The following ETFDH variants were observed in gnomAD, a reference collection of about 807,000 sequenced individuals.
ETFDH encodes the protein electron transfer flavoprotein-ubiquinone oxidoreductase, mitochondrial.
A neutral mutation model predicts 73.2 loss-of-function variants in ETFDH; 61 were observed. That is an observed-to-expected ratio of 0.83 (90% CI 0.68 to 1.03). The LOEUF (loss-of-function observed/expected upper bound fraction) is 1.03, where lower values mean the gene tolerates loss of function less well. Ranked by LOEUF, ETFDH falls within the 50% of genes least tolerant of loss-of-function variation. The pLI, the probability that ETFDH is intolerant of heterozygous loss-of-function variation, is 0.00. For synonymous variants in ETFDH, 243 were observed against 253.3 expected, an observed-to-expected ratio of 0.96 and a Z score of 0.39; for missense variants, 685 against 745.0, an observed-to-expected ratio of 0.92 and a Z score of 0.94.
chr4:158,691,436 C>T (rs934521694), intron 6 of ETFDH, among the ~76,000 whole-genome samples: 21 of 152,104 alleles, frequency 1.4e-4, no homozygotes, highest in Admixed American at 3.9e-4. Context: ...GTAGTTATCC[C>T]GCCTCAGCCT....
chr4:158,692,248 AAATT>A (rs1286476640), intron 6 of ETFDH, among the ~76,000 whole-genome samples: 1 of 152,032 alleles, frequency 6.6e-6, no homozygotes, highest in East Asian at 1.9e-4. Flanking sequence ...AAATACAAAA[AAATT>A]AGCCGGGCGT....
intron 1 of ETFDH, among the ~76,000 whole-genome samples, chr4:158,675,768 C>CAAA (rs199648174): frequency 0.017 from 1,321 of 78,666 alleles, 15 homozygotes; most frequent in African/African-American, 0.057. Flanking sequence ...GACCCTGTCT[C>CAAA]AAAAAAAAAA....
chr4:158,698,279 T>G (rs1163751191), intron 8 of ETFDH, among the ~76,000 whole-genome samples: 1 of 152,238 alleles, frequency 6.6e-6, no homozygotes, highest in Non-Finnish European at 1.5e-5. Context: ...TAGTTTAGTG[T>G]CATGATTAGA....
intron 8 of ETFDH, 144 bp from the exon 9 acceptor site, chr4:158,698,843 T>G (rs1277855088): frequency 1.7e-6 from 1 of 597,562 alleles, no homozygotes. Context: ...TTAATTTACA[T>G]TTGGATTACT....
chr4:158,698,520 CCA>C (rs1554032937), intron 8 of ETFDH, among the ~76,000 whole-genome samples: 6 of 151,750 alleles, frequency 4.0e-5, no homozygotes, highest in Non-Finnish European at 7.4e-5. Context: ...TATTTTTGCC[CCA>C]GTTGTACTGT....
In ETFDH at chr4:158,697,653, T is replaced by C. The variant is rs1276785426; in HGVS notation, c.926T>C (p.Leu309Pro). ...AGACATACCTATGGAGGATCTTTCC[T>C]CTATCATTTGAATGAAGGTGAACCC... ...LDRHTYGGSF[L>P]YHLNEGEPLV... Residue 309 changes from leucine (L) to proline (P), a missense_variant, in exon 8 of 13, where the codon CTC becomes CCC. Transcript: ENST00000511912. 1 of 1,613,812 alleles carries C rather than the reference T, an allele frequency of 6.2e-7. No individual in the cohort carries two copies. Among genetic ancestry groups the C allele is most frequent in the East Asian group, 2.2e-5 (1 of 44,860 alleles).
In ETFDH at chr4:158,697,554, T is replaced by C. The variant is rs768022965; in HGVS notation, c.832-5T>C. On this transcript the variant is annotated splice_region_variant and splice_polypyrimidine_tract_variant and intron_variant, in intron 7 of 12. Transcript: ENST00000511912. ...GACTTTTTTGTTTGCTTTTTTTTTTTTTAGTTATGGGTTATTGATGAAAAG... is the reference window on the plus strand; with the variant it reads ...GACTTTTTTGTTTGCTTTTTTTTTTCTTAGTTATGGGTTATTGATGAAAAG... 11 of 1,609,566 alleles carry C rather than the reference T, an allele frequency of 6.8e-6. No individual in the cohort carries two copies. The highest frequency in any genetic ancestry group is 1.6e-4 in the Middle Eastern group (1 of 6,070).
intron 7 of ETFDH, among the ~76,000 whole-genome samples, chr4:158,697,173 C>T (rs1774328606): frequency 6.6e-6 from 1 of 152,076 alleles, no homozygotes; most frequent in African/African-American, 2.4e-5. Context: ...TGGCTCACCG[C>T]AACTTCTGCC....
chr4:158,701,094 G>A (rs9918017), intron 9 of ETFDH, among the ~76,000 whole-genome samples: 3,959 of 152,252 alleles, frequency 0.026, 171 homozygotes, highest in African/African-American at 0.091. Context: ...AACAAGGTGC[G>A]TAGCTGCTAG....
intron 7 of ETFDH, 57 bp downstream of exon 7, chr4:158,695,700 G>T: frequency 8.4e-7 from 1 of 1,185,030 alleles, no homozygotes; most frequent in African/African-American, 1.5e-5. Flanking sequence ...AAATTTATTT[G>T]TATTATCAGG....
At chr4:158,682,545 T>A (rs1056533248) in intron 3 of ETFDH, 121 bp downstream of exon 3, 4 of 796,032 alleles carry the variant, frequency 5.0e-6, no homozygotes, top group Middle Eastern at 3.7e-4. Context: ...TTTTTTTTCT[T>A]TTTTTGAGAT....
intron 2 of ETFDH, 87 bp from the exon 3 acceptor site, chr4:158,682,108 A>G (rs2150305093): frequency 6.3e-7 from 1 of 1,583,186 alleles, no homozygotes; most frequent in Non-Finnish European, 8.7e-7. Context: ...ATAATACTCT[A>G]AAGCACAGTG....
intron 1 of ETFDH, among the ~76,000 whole-genome samples, chr4:158,673,112 T>A (rs1008908759): frequency 6.6e-6 from 1 of 152,180 alleles, no homozygotes; most frequent in Non-Finnish European, 1.5e-5. Context: ...AAGACCAGCC[T>A]GGCCAACATT....
Position 158,703,582 on chromosome 4 carries a change from A to T in ETFDH, c.1276A>T (p.Lys426Ter). Reference sequence around the variant, plus strand: ...ACTAACTAGTGAAAATCTCCAATCAAAGACAATAGGTAAGAAATTCCTGTG... The same window carrying T: ...ACTAACTAGTGAAAATCTCCAATCATAGACAATAGGTAAGAAATTCCTGTG... ...NQLTSENLQS[K>*]TIGLHVTEYE... Residue 426 changes from lysine to a stop codon, truncating the protein, a stop_gained, in exon 10 of 13, where the codon AAG (lysine) becomes TAG (stop). Coordinates refer to ENST00000511912, the MANE Select transcript of ETFDH (RefSeq NM_004453.4). LOFTEE classifies it high-confidence loss of function. 1.3e-6 allele frequency: 2 copies of T among 1,595,340 alleles called. No homozygotes were observed. Among genetic ancestry groups the T allele is most frequent in the South Asian group, 2.2e-5 (2 of 90,676 alleles).
chr4:158,694,815 G>A (rs1439728500), intron 6 of ETFDH, among the ~76,000 whole-genome samples: 3 of 151,990 alleles, frequency 2.0e-5, no homozygotes, highest in Non-Finnish European at 2.9e-5. Flanking sequence ...ATCTAAGAGG[G>A]CCACTCCTGG....
At chr4:158,683,939 C>G (rs1046660275) in intron 3 of ETFDH, among the ~76,000 whole-genome samples, 2 of 152,124 alleles carry the variant, frequency 1.3e-5, no homozygotes, top group Non-Finnish European at 2.9e-5. Context: ...AATAAAACTT[C>G]TCTTACCTTT....
At chr4:158,703,119 A>G (rs1774509000) in intron 9 of ETFDH, among the ~76,000 whole-genome samples, 1 of 152,216 alleles carries the variant, frequency 6.6e-6, no homozygotes, top group Non-Finnish European at 1.5e-5. Context: ...ATATGTGTAA[A>G]TAAAACATTC....
rs562624809 is a variant in ETFDH, at chr4:158,674,527, C to T, written c.34+2037C>T. On this transcript the variant is annotated intron_variant, in intron 1 of 12. Transcript: ENST00000511912. ...TGTTGGCCAGGCTGGTCTCAAACTC[C>T]TGGCCTCAAGTGATCCTCCTACCTC... Among the ~76,000 whole-genome samples, 6 of 152,298 alleles carry T rather than the reference C, an allele frequency of 3.9e-5. No homozygotes were observed. In the East Asian group the frequency reaches 9.6e-4, roughly 24 times the overall value.
chr4:158,706,726 G>A lies in ETFDH; in HGVS notation c.1566G>A (p.Val522=), dbSNP rs775576747. The A allele has an allele frequency of 6.2e-7, 1 of 1,613,798 alleles. No individual in the cohort carries two copies. The highest frequency in any genetic ancestry group is 1.1e-5 in the South Asian group (1 of 91,076). ...TCAGTTTTGACCTCTTGTCATCTGT[G>A]GCTCTGAGTGGTACTAATCATGAAC... is the stretch of plus-strand genomic sequence containing the variant. ...GQISFDLLSS[V]ALSGTNHEHD... Residue 522 remains valine, a synonymous_variant, in exon 12 of 13, where the codon GTG becomes GTA. Transcript: ENST00000511912.
Sources: allele counts gnomAD v4.1 joint callset (sites outside exome capture counted in the v4.1 genomes callset), GRCh38; gene constraint gnomAD v4.1.1; transcripts MANE v1.5; gene names NCBI Gene and HGNC (gene_info 2026-07-23, HGNC 2026-07-21).